Variants in RASGEF1A observed in about 807,000 individuals in gnomAD.
The protein encoded by RASGEF1A is RasGEF domain family member 1A.
Under a neutral mutation model 56.4 loss-of-function variants are expected in RASGEF1A, and 18 were observed. The observed-to-expected ratio is 0.32, with a 90% CI of 0.22 to 0.47. RASGEF1A has a LOEUF of 0.47. Among genes scored for constraint, RASGEF1A ranks in the 20% least tolerant of loss-of-function variants. RASGEF1A has a pLI of 1.00. For synonymous variants in RASGEF1A, 245 were observed against 242.6 expected (o/e 1.01, Z -0.09); for missense variants, 422 against 627.1 (o/e 0.67, Z 3.49).
At chr10:43,254,427 T>C (rs554977435) in intron 1 of RASGEF1A, among the ~76,000 whole-genome samples, 2 of 152,356 alleles carry the variant, frequency 1.3e-5, no homozygotes, top group East Asian at 3.9e-4. Flanking sequence ...TTCAAGCTCC[T>C]TGGGCCTGGC....
intron 1 of RASGEF1A, chr10:43,208,951 G>A: frequency 1.0e-6 from 1 of 985,494 alleles, no homozygotes. Context: ...CTGTGAAATG[G>A]TGATGATGAC....
intron 1 of RASGEF1A, among the ~76,000 whole-genome samples, chr10:43,236,524 A>G (rs1840433746): frequency 6.6e-6 from 1 of 152,222 alleles, no homozygotes; most frequent in Non-Finnish European, 1.5e-5. Flanking sequence ...CCACATACCA[A>G]AAGTCTAATC....
chr10:43,252,055 G>C (rs1840632732), intron 1 of RASGEF1A, among the ~76,000 whole-genome samples: 1 of 152,342 alleles, frequency 6.6e-6, no homozygotes, highest in Admixed American at 6.5e-5. Flanking sequence ...CATGAGGAGT[G>C]TTGTCAGAGG....
In RASGEF1A at chr10:43,262,239, G is replaced by A. The variant is rs546208949; in HGVS notation, c.-7+4606C>T. Among the ~76,000 whole-genome samples, 3 of 152,288 alleles carry A rather than the reference G, an allele frequency of 2.0e-5. No individual in the cohort carries two copies. The South Asian group carries it at 6.2e-4, about 32-fold the overall frequency. On this transcript the variant is annotated intron_variant, in intron 1 of 12. Transcript: ENST00000395810. ...CCCTCTCCTCTCCCAGCTCCCGCCA[G>A]CCTCCTCCACGGAAGCTACTCTTTG...
At chr10:43,248,533 C>T (rs557729308) in intron 1 of RASGEF1A, among the ~76,000 whole-genome samples, 2 of 152,300 alleles carry the variant, frequency 1.3e-5, no homozygotes, top group South Asian at 4.1e-4. Flanking sequence ...CAACATCCCA[C>T]TACCAGGACA....
intron 1 of RASGEF1A, among the ~76,000 whole-genome samples, chr10:43,250,981 C>G (rs965246468): frequency 1.3e-5 from 2 of 152,176 alleles, no homozygotes; most frequent in Non-Finnish European, 2.9e-5. Context: ...GCTCCAGCAG[C>G]GAGCCTCACA....
At chr10:43,236,619 T>C (rs1840434995) in intron 1 of RASGEF1A, among the ~76,000 whole-genome samples, 1 of 152,222 alleles carries the variant, frequency 6.6e-6, no homozygotes, top group African/African-American at 2.4e-5. Context: ...TTTAGCCTTA[T>C]CAAGTGCTTC....
In RASGEF1A at chr10:43,198,126, G is replaced by T; in HGVS notation, c.1102C>A (p.Gln368Lys). ...TALQGATQRS[Q>K]MANSSREKIV... ...TTTTCACGGCTGCTGTTGGCCATCTGGGACCTCTGCGTGGCCCCCTGCAGG... is the reference window on the plus strand; with the variant it reads ...TTTTCACGGCTGCTGTTGGCCATCTTGGACCTCTGCGTGGCCCCCTGCAGG... Residue 368 changes from glutamine to lysine, a missense_variant, in exon 10 of 13, where the codon CAG (glutamine) becomes AAG (lysine). This residue lies in a region of RASGEF1A where 149 missense variants were observed against 287.2 expected (regional missense o/e 0.52). Coordinates refer to ENST00000395810, the MANE Select transcript of RASGEF1A (RefSeq NM_145313.4). 6.2e-7 allele frequency: 1 copy of T among 1,614,174 alleles called. No individual in the cohort carries two copies. The highest frequency in any genetic ancestry group is 2.2e-5 in the East Asian group (1 of 44,884).
intron 4 of RASGEF1A, 60 bp downstream of exon 4, chr10:43,201,747 TC>T: frequency 7.0e-7 from 1 of 1,420,508 alleles, no homozygotes; most frequent in Non-Finnish European, 9.4e-7. Context: ...GCCCCCACCC[TC>T]CCGAGGGCAG....
intron 1 of RASGEF1A, among the ~76,000 whole-genome samples, chr10:43,237,498 CACAG>C (rs1840446026): frequency 6.6e-6 from 1 of 150,400 alleles, no homozygotes; most frequent in African/African-American, 2.4e-5. Flanking sequence ...CTCTCCAGAC[CACAG>C]ACACAGTCCT....
At chr10:43,218,091 G>A (rs920311847) in intron 1 of RASGEF1A, among the ~76,000 whole-genome samples, 10 of 152,212 alleles carry the variant, frequency 6.6e-5, no homozygotes, top group African/African-American at 2.4e-4. Flanking sequence ...CTTCCCAGGC[G>A]ACCGTGAGCA....
chr10:43,206,783 A>G, intron 1 of RASGEF1A: 1 of 986,136 alleles, frequency 1.0e-6, no homozygotes, highest in Non-Finnish European at 1.2e-6. Flanking sequence ...CCACATGGTG[A>G]AGGTCTTGGG....
chr10:43,228,789 A>G (rs1372255613), intron 1 of RASGEF1A, among the ~76,000 whole-genome samples: 1 of 152,192 alleles, frequency 6.6e-6, no homozygotes, highest in African/African-American at 2.4e-5. Context: ...CACCGTGAGG[A>G]CAACACTCTC....
At chr10:43,252,074 G>T (rs192616028) in intron 1 of RASGEF1A, among the ~76,000 whole-genome samples, 477 of 152,330 alleles carry the variant, frequency 3.1e-3, no homozygotes, top group Non-Finnish European at 6.0e-3. Context: ...GGGTGAGGAC[G>T]CAGAGGGCAC....
rs898527480 is a variant in RASGEF1A, at chr10:43,234,277, T to C, written c.-6-28155A>G. 3.3e-5 allele frequency among the ~76,000 whole-genome samples: 5 copies of C among 152,256 alleles called. No homozygotes were observed. In the South Asian group the frequency reaches 1.0e-3, roughly 32 times the overall value. On this transcript the variant is annotated intron_variant, in intron 1 of 12. Transcript: ENST00000395810. ...GAAGCTGTCGGCACCTCAGGGCCTA[T>C]CTAGGTCTGCTGTGGCCACGCCTGA...
At chr10:43,250,342 G>A (rs1409334039) in intron 1 of RASGEF1A, among the ~76,000 whole-genome samples, 1 of 152,170 alleles carries the variant, frequency 6.6e-6, no homozygotes, top group Admixed American at 6.5e-5. Flanking sequence ...TTTCCCTGTC[G>A]GGGGACGCAG....
intron 1 of RASGEF1A, among the ~76,000 whole-genome samples, chr10:43,252,357 G>A (rs1840635843): frequency 6.6e-6 from 1 of 152,200 alleles, no homozygotes; most frequent in South Asian, 2.1e-4. Context: ...GACTAGGTGG[G>A]CAGGGGAACC....
At chr10:43,236,720 C>T (rs897930601) in intron 1 of RASGEF1A, among the ~76,000 whole-genome samples, 5 of 152,248 alleles carry the variant, frequency 3.3e-5, no homozygotes, top group Non-Finnish European at 7.3e-5. Context: ...GGCATCCCTG[C>T]TCCCACTAAG....
chr10:43,200,910 G>A, intron 4 of RASGEF1A, 22 bp from the exon 5 acceptor site: 1 of 1,604,826 alleles, frequency 6.2e-7, no homozygotes, highest in Non-Finnish European at 8.5e-7. Context: ...AGGGCAATAA[G>A]GGTGCCAGCA....
Sources: gnomAD v4.1 joint callset for allele counts (sites outside exome capture counted in the v4.1 genomes callset) on GRCh38, gnomAD v4.1.1 for gene constraint, gnomAD v4.1.1 regional missense constraint, MANE v1.5 for transcripts, NCBI Gene and HGNC (gene_info 2026-07-23, HGNC 2026-07-21) for gene names.